Variants in FCMR observed in about 807,000 individuals in gnomAD.
FCMR encodes the protein immunoglobulin mu Fc receptor.
FCMR carries 34 observed loss-of-function variants against 41.6 expected under a neutral mutation model. The ratio of observed to expected loss-of-function variants is 0.82; its 90% confidence interval spans 0.62 to 1.09. The LOEUF (loss-of-function observed/expected upper bound fraction) is 1.09, where lower values mean the gene tolerates loss of function less well. FCMR is among the 50% of genes least tolerant of loss of function. FCMR has a pLI of 0.00. For synonymous variants in FCMR, 209 were observed against 211.8 expected (o/e 0.99, Z 0.12); for missense variants, 496 against 512.5 (o/e 0.97, Z 0.31).
At chr1:206,919,412 A>G (rs999253154) in intron 1 of FCMR, among the ~76,000 whole-genome samples, 2 of 152,166 alleles carry the variant, frequency 1.3e-5, no homozygotes, top group African/African-American at 4.8e-5. Flanking sequence ...CCTGGGCAAC[A>G]TGGTGAGACC....
At chr1:206,911,693 C>G in intron 4 of FCMR, 37 bp downstream of exon 4, 1 of 1,585,126 alleles carries the variant, frequency 6.3e-7, no homozygotes, top group South Asian at 1.1e-5. Context: ...TCTCTTAATT[C>G]TAGCCTAACT....
chr1:206,919,351 T>G (rs886173165), intron 1 of FCMR, among the ~76,000 whole-genome samples: 21 of 152,216 alleles, frequency 1.4e-4, no homozygotes, highest in African/African-American at 4.6e-4. Flanking sequence ...ATCCCAGCAC[T>G]TTGGGAGGCA....
chr1:206,906,428 G>C (rs1279611901), intron 7 of FCMR: 1 of 164,072 alleles, frequency 6.1e-6, no homozygotes, highest in Admixed American at 6.3e-5. Context: ...TAAATTAAAC[G>C]AACTTTGAAA....
At chr1:206,917,260 G>A (rs1327904298) in intron 1 of FCMR, among the ~76,000 whole-genome samples, 1 of 152,224 alleles carries the variant, frequency 6.6e-6, no homozygotes, top group African/African-American at 2.4e-5. Flanking sequence ...TGGAAGTGCA[G>A]ATGAGGACCT....
chr1:206,909,348 C>T lies in FCMR; in HGVS notation c.1044+114G>A, dbSNP rs544012579. 3.8e-6 allele frequency: 2 copies of T among 526,602 alleles called. No individual in the cohort carries two copies. The highest frequency in any genetic ancestry group is 7.0e-5 in the East Asian group (2 of 28,536). The allele number at this position is 526,602 out of a possible 1,614,324, so 32.6% of individuals were successfully genotyped here. A position where few individuals can be genotyped will look rare whatever the true frequency, so the allele number is the denominator to read the frequency against. On this transcript the variant is annotated intron_variant, in intron 7 of 7. Transcript: ENST00000367091. The surrounding 1 kb of genome is among the most constrained non-coding windows in gnomAD (Gnocchi z 5.0). Reference sequence around the variant, plus strand: ...CAGGGCCCAGGAGCTGCTGGGAAACCCGCTCTCCGGATCGCGGCGGCGGCG... The same window carrying T: ...CAGGGCCCAGGAGCTGCTGGGAAACTCGCTCTCCGGATCGCGGCGGCGGCG...
intron 2 of FCMR, among the ~76,000 whole-genome samples, 189 bp from the exon 3 acceptor site, chr1:206,913,231 C>T (rs1290488390): frequency 2.0e-5 from 3 of 152,174 alleles, no homozygotes. Flanking sequence ...GTCCAGTCAA[C>T]ATTCCCTGCA....
At position 206,911,756 on chromosome 1, in the gene FCMR, G is replaced by A. The variant is rs971850899; in HGVS notation, c.684C>T (p.Asn228=). 3 of 1,610,636 alleles carry A rather than the reference G, an allele frequency of 1.9e-6. No homozygotes were observed. In the African/African-American group the frequency reaches 4.0e-5, roughly 22 times the overall value. ...TCTGCCTGTGCAGCCTGGTGTGGTG[G>A]TTGTAGCTGGGCGTCTGGGGCTTGA... is the stretch of plus-strand genomic sequence containing the variant. ...GLLKPQTPSY[N]HHTRLHRQRA... The change falls in exon 4 of 8, where the codon AAC becomes AAT. Residue 228 remains asparagine (N), a synonymous_variant. Coordinates refer to ENST00000367091, the MANE Select transcript of FCMR (RefSeq NM_005449.5).
Position 206,904,745 on chromosome 1 carries a change from C to T in FCMR, c.*274G>A, listed in dbSNP as rs899719160. 3.3e-5 allele frequency: 14 copies of T among 421,192 alleles called. No individual in the cohort carries two copies. Among genetic ancestry groups the T allele is most frequent in the African/African-American group, 6.1e-5 (3 of 49,492 alleles). 26.1% of individuals were successfully genotyped at this position (421,192 alleles called of 1,614,324 possible). ...CACTCTGCAAATCCCACAGTCTGTTCGACGGCTTGGAAAGGAAGCAAGTGG... is the reference window on the plus strand; with the variant it reads ...CACTCTGCAAATCCCACAGTCTGTTTGACGGCTTGGAAAGGAAGCAAGTGG... On this transcript the variant is annotated 3_prime_UTR_variant, in exon 8 of 8. Coordinates refer to ENST00000367091, the MANE Select transcript of FCMR (RefSeq NM_005449.5).
chr1:206,905,285 C>G (rs971447896), intron 7 of FCMR, 138 bp from the exon 8 acceptor site: 1 of 919,596 alleles, frequency 1.1e-6, no homozygotes, highest in South Asian at 1.6e-5. Context: ...GATGGCTCAG[C>G]TCCATCAAGT....
At chr1:206,910,691 C>T (rs1473932185) in intron 4 of FCMR, among the ~76,000 whole-genome samples, 2 of 152,068 alleles carry the variant, frequency 1.3e-5, no homozygotes, top group Admixed American at 6.6e-5. Context: ...TGTTCAGCAC[C>T]TTAGTTTCTT....
In FCMR at chr1:206,904,241, G is replaced by A. The variant is rs1377858027; in HGVS notation, c.*778C>T. The A allele has an allele frequency of 2.0e-5, 3 of 151,452 alleles. No individual in the cohort carries two copies. Among genetic ancestry groups the A allele is most frequent in the Non-Finnish European group, 2.9e-5 (2 of 67,948 alleles). 9.4% of individuals were successfully genotyped at this position (151,452 alleles called of 1,614,324 possible). A position where few individuals can be genotyped will look rare whatever the true frequency, so the allele number is the denominator to read the frequency against. On this transcript the variant is annotated 3_prime_UTR_variant, in exon 8 of 8. Transcript: ENST00000367091. ...TTTTGGATGAATAAAATAGACCAAA[G>A]TTAAGGTAAGTGCACAAATATCAGT...
chr1:206,919,082 C>T (rs974694055), intron 1 of FCMR, among the ~76,000 whole-genome samples: 1 of 152,164 alleles, frequency 6.6e-6, no homozygotes, highest in Non-Finnish European at 1.5e-5. Flanking sequence ...CCTCTCATCC[C>T]TTCCTCCTGC....
At position 206,909,364 on chromosome 1, in the gene FCMR, G is replaced by A; in HGVS notation, c.1044+98C>T. On this transcript the variant is annotated intron_variant, in intron 7 of 7. Coordinates refer to ENST00000367091, the MANE Select transcript of FCMR (RefSeq NM_005449.5). This position sits in a 1 kb window ranked among gnomAD's most constrained non-coding sequence, Gnocchi z 5.0. ...CTGGGAAACCCGCTCTCCGGATCGC[G>A]GCGGCGGCGGCGCGGGAAGCCACAC... 1 of 587,380 alleles carries A rather than the reference G, an allele frequency of 1.7e-6. No homozygotes were observed. The highest frequency in any genetic ancestry group is 8.3e-5 in the South Asian group (1 of 12,008). The allele number at this position is 587,380 out of a possible 1,614,324, so 36.4% of individuals were successfully genotyped here.
chr1:206,917,607 T>C (rs1679246322), intron 1 of FCMR, among the ~76,000 whole-genome samples: 1 of 152,126 alleles, frequency 6.6e-6, no homozygotes. Flanking sequence ...TACACACATG[T>C]CCTGCTATTG....
chr1:206,912,806 C>G (rs959010092), intron 3 of FCMR, 123 bp downstream of exon 3: 2 of 706,526 alleles, frequency 2.8e-6, no homozygotes, highest in Admixed American at 1.8e-5. Flanking sequence ...GCAGGGAATA[C>G]ACACCTAAGA....
chr1:206,918,534 A>G (rs1679290322), intron 1 of FCMR, among the ~76,000 whole-genome samples: 1 of 152,172 alleles, frequency 6.6e-6, no homozygotes, highest in East Asian at 1.9e-4. Context: ...GCTGAGAAAG[A>G]GCTGATTTCT....
At chr1:206,921,358 T>C in intron 1 of FCMR, 1 of 442,246 alleles carries the variant, frequency 2.3e-6, no homozygotes, top group Non-Finnish European at 4.6e-6. Flanking sequence ...CCCAGCGCTT[T>C]GTGAAGCTGA....
At chr1:206,917,323 T>C (rs1165884141) in intron 1 of FCMR, among the ~76,000 whole-genome samples, 1 of 152,114 alleles carries the variant, frequency 6.6e-6, no homozygotes, top group Non-Finnish European at 1.5e-5. Context: ...GCCTGTGATT[T>C]TTATGTTTAT....
chr1:206,916,795 G>C (rs1468946644), intron 1 of FCMR, among the ~76,000 whole-genome samples: 2 of 152,222 alleles, frequency 1.3e-5, no homozygotes, highest in Non-Finnish European at 2.9e-5. Flanking sequence ...GATTGGCTAC[G>C]ATGCAGATGA....
Sources: allele counts gnomAD v4.1 joint callset (sites outside exome capture counted in the v4.1 genomes callset), GRCh38; gene constraint gnomAD v4.1.1; non-coding constraint Gnocchi (gnomAD v3.1); transcripts MANE v1.5; gene names NCBI Gene and HGNC (gene_info 2026-07-23, HGNC 2026-07-21).